ZNF710: variants seen among roughly 807,000 people sequenced by gnomAD.
The protein encoded by ZNF710 is zinc finger protein 710.
Under a neutral mutation model 50.6 loss-of-function variants are expected in ZNF710, and 13 were observed. The observed-to-expected ratio is 0.26, with a 90% CI of 0.17 to 0.41. ZNF710 has a LOEUF of 0.41. ZNF710 is among the 10% of genes least tolerant of loss of function. The pLI, the probability that ZNF710 is intolerant of heterozygous loss-of-function variation, is 1.00. For synonymous variants in ZNF710, 383 were observed against 397.0 expected, an observed-to-expected ratio of 0.96 and a Z score of 0.42; for missense variants, 721 against 936.6, an observed-to-expected ratio of 0.77 and a Z score of 3.01.
At chr15:90,008,427 T>TGTGTGTATATATACATATATATATAC (rs1491372581) in intron 1 of ZNF710, among the ~76,000 whole-genome samples, 1 of 135,090 alleles carries the variant, frequency 7.4e-6, no homozygotes, top group African/African-American at 3.3e-5. Flanking sequence ...TGTGTGTGTG[T>TGTGTGTATATATACATATATATATAC]ATATATATAT....
chr15:90,047,776 G>A (rs112107110), intron 1 of ZNF710, among the ~76,000 whole-genome samples: 5,011 of 151,688 alleles, frequency 0.033, 273 homozygotes, highest in African/African-American at 0.11. Flanking sequence ...TAGTAGAGGC[G>A]GCATTTCACC....
chr15:90,015,975 T>C (rs1898445542), intron 1 of ZNF710, among the ~76,000 whole-genome samples: 1 of 152,200 alleles, frequency 6.6e-6, no homozygotes, highest in Non-Finnish European at 1.5e-5. Context: ...ATGTACACTA[T>C]GTACCAACTA....
chr15:90,058,728 T>TATAC (rs1555458604), intron 1 of ZNF710, among the ~76,000 whole-genome samples: 1 of 145,932 alleles, frequency 6.9e-6, no homozygotes, highest in Non-Finnish European at 1.5e-5. Context: ...TACACACATA[T>TATAC]ACACACACAC....
intron 4 of ZNF710, 182 bp downstream of exon 4, chr15:90,074,472 G>A: frequency 1.3e-6 from 2 of 1,530,254 alleles, no homozygotes; most frequent in Non-Finnish European, 1.7e-6. Context: ...GGATATTTAT[G>A]TCTTCTTCAA....
At chr15:90,056,645 C>G (rs1263823634) in intron 1 of ZNF710, among the ~76,000 whole-genome samples, 1 of 152,192 alleles carries the variant, frequency 6.6e-6, no homozygotes, top group Non-Finnish European at 1.5e-5. Context: ...AGTAAAGAAG[C>G]ACGCATGCGT....
At chr15:90,044,321 G>A (rs1433772870) in intron 1 of ZNF710, among the ~76,000 whole-genome samples, 4 of 152,370 alleles carry the variant, frequency 2.6e-5, no homozygotes, top group Admixed American at 1.3e-4. Flanking sequence ...GAAGGCAGAG[G>A]CGGATGTGGT....
At chr15:90,060,757 G>C (rs1389517569) in intron 1 of ZNF710, among the ~76,000 whole-genome samples, 3 of 152,194 alleles carry the variant, frequency 2.0e-5, no homozygotes, top group Non-Finnish European at 4.4e-5. Flanking sequence ...TTTGGAGGCT[G>C]AGGCAGGAGA....
intron 1 of ZNF710, among the ~76,000 whole-genome samples, chr15:90,046,726 G>T (rs551671855): frequency 6.6e-6 from 1 of 152,216 alleles, no homozygotes; most frequent in African/African-American, 2.4e-5. Context: ...CACTTCCCAG[G>T]AGGAGGGTCT....
In ZNF710 at chr15:90,062,305, C is replaced by T. The variant is rs1454558137; in HGVS notation, c.-28-4805C>T. Among the ~76,000 whole-genome samples, 3 of 152,124 alleles carry T rather than the reference C, an allele frequency of 2.0e-5. No homozygotes were observed. Among genetic ancestry groups the T allele is most frequent in the Non-Finnish European group, 2.9e-5 (2 of 68,022 alleles). Reference sequence around the variant, plus strand: ...GGCAGCTCATCTGTGTCTATTTCCCCGCCTTTCACATTGACTTTCTCCCCA... The same window carrying T: ...GGCAGCTCATCTGTGTCTATTTCCCTGCCTTTCACATTGACTTTCTCCCCA... On this transcript the variant is annotated intron_variant, in intron 1 of 4. Transcript: ENST00000268154. This position sits in a 1 kb window ranked among gnomAD's most constrained non-coding sequence, Gnocchi z 5.6.
At chr15:90,036,110 G>T (rs930843273) in intron 1 of ZNF710, among the ~76,000 whole-genome samples, 1 of 152,250 alleles carries the variant, frequency 6.6e-6, no homozygotes, top group East Asian at 1.9e-4. Context: ...CCACTTCGAA[G>T]CGCAAGCACT....
chr15:90,014,370 G>A lies in ZNF710; in HGVS notation c.-29+12756G>A, dbSNP rs115498009. Among the ~76,000 whole-genome samples the A allele has an allele frequency of 9.2e-4, 140 of 151,958 alleles. 1 individual carries two copies. The highest frequency in any genetic ancestry group is 3.3e-3 in the African/African-American group (135 of 41,436). ...AGGAAGGAGAAGGGACTTCAAGATG[G>A]GTTAATATAAAATAAAGATGGCAGA... On this transcript the variant is annotated intron_variant, in intron 1 of 4. Transcript: ENST00000268154.
chr15:90,020,789 C>T (rs1242472768), intron 1 of ZNF710, among the ~76,000 whole-genome samples: 2 of 152,206 alleles, frequency 1.3e-5, no homozygotes, highest in African/African-American at 2.4e-5. Flanking sequence ...GCCCGGTCCT[C>T]CCTCTCCTCC....
chr15:90,025,229 A>G (rs562506036), intron 1 of ZNF710: 2 of 152,126 alleles, frequency 1.3e-5, no homozygotes, highest in African/African-American at 2.4e-5. Flanking sequence ...TGCAGGCATC[A>G]ACACTCTTTT....
intron 1 of ZNF710, among the ~76,000 whole-genome samples, chr15:90,063,372 T>G (rs1900070520): frequency 6.6e-6 from 1 of 152,098 alleles, no homozygotes; most frequent in Non-Finnish European, 1.5e-5. Flanking sequence ...ACCCCACCCC[T>G]GCCCCCCGGG....
At chr15:90,070,991 A>G (rs1446496327) in intron 2 of ZNF710, among the ~76,000 whole-genome samples, 1 of 152,076 alleles carries the variant, frequency 6.6e-6, no homozygotes, top group Non-Finnish European at 1.5e-5. Flanking sequence ...GGCCTGGCAC[A>G]GTGGCTCACG....
At chr15:90,079,615 TC>T (rs754798126) in intron 4 of ZNF710, 44 bp from the exon 5 acceptor site, 1 of 1,596,844 alleles carries the variant, frequency 6.3e-7, no homozygotes, top group South Asian at 1.1e-5. Flanking sequence ...GACTGGCTCC[TC>T]CCGAGAGATG....
At chr15:90,016,316 C>CTCAGAAG (rs1422744626) in intron 1 of ZNF710, among the ~76,000 whole-genome samples, 1 of 152,174 alleles carries the variant, frequency 6.6e-6, no homozygotes, top group Admixed American at 6.5e-5. Context: ...GAAACTGAAG[C>CTCAGAAG]TCAGAAGTCT....
chr15:90,050,818 T>C (rs1899617452), intron 1 of ZNF710, among the ~76,000 whole-genome samples: 1 of 152,210 alleles, frequency 6.6e-6, no homozygotes, highest in Non-Finnish European at 1.5e-5. Flanking sequence ...TATGTGATAT[T>C]TTCCACTACT....
At chr15:90,045,471 G>A (rs1412933379) in intron 1 of ZNF710, 3 of 896,020 alleles carry the variant, frequency 3.3e-6, no homozygotes, top group Non-Finnish European at 4.0e-6. Context: ...GAGCGCAGAA[G>A]CCATGAGAGA....
Sources: gnomAD v4.1 joint callset for allele counts (sites outside exome capture counted in the v4.1 genomes callset) on GRCh38, gnomAD v4.1.1 for gene constraint, Gnocchi (gnomAD v3.1) non-coding constraint, MANE v1.5 for transcripts, NCBI Gene and HGNC (gene_info 2026-07-23, HGNC 2026-07-21) for gene names.